TAF1A: variants seen among roughly 807,000 people sequenced by gnomAD.
TAF1A encodes TATA box-binding protein-associated factor RNA polymerase I subunit A.
In TAF1A, 42 loss-of-function variants were observed where a neutral mutation model predicts 61.6. That is an observed-to-expected ratio of 0.68 (90% CI 0.53 to 0.88). The LOEUF (loss-of-function observed/expected upper bound fraction) is 0.88, where lower values mean the gene tolerates loss of function less well. TAF1A is among the 40% of genes least tolerant of loss of function. The probability of loss-of-function intolerance (pLI) is 0.00; values close to 1 mark genes in which losing one functional copy is unlikely to be tolerated. For synonymous variants in TAF1A, 179 were observed against 177.7 expected, an observed-to-expected ratio of 1.01 and a Z score of -0.06; for missense variants, 424 against 518.7, an observed-to-expected ratio of 0.82 and a Z score of 1.77.
Position 222,589,788 on chromosome 1 carries a change from A to G in TAF1A, c.-64T>C, listed in dbSNP as rs925008473. ...CAGTCTCCGACTCCGGCCCACGTGA[A>G]GAAATTCCCACCGGAAGACGAGTTA... On this transcript the variant is annotated 5_prime_UTR_variant, in exon 1 of 11. Transcript: ENST00000352967. The G allele has an allele frequency of 1.2e-4, 41 of 340,056 alleles. No homozygotes were observed. The highest frequency in any genetic ancestry group is 1.8e-4 in the Non-Finnish European group (34 of 189,044). 21.1% of individuals were successfully genotyped at this position (340,056 alleles called of 1,614,324 possible). A position where few individuals can be genotyped will look rare whatever the true frequency, so the allele number is the denominator to read the frequency against.
Position 222,563,188 on chromosome 1 carries a change from T to A in TAF1A, c.1070A>T (p.Lys357Ile). Residue 357 changes from lysine to isoleucine, a missense_variant, in exon 9 of 11, where the codon AAA becomes ATA. Physicochemically the swap from Lys to Ile is moderately radical, Grantham distance 102. Transcript: ENST00000352967. ...TGTTTCTTACCCCATTAAGATATTT[T>A]TCAGATATTTTGCCAAGTATTTCCA... ...TAWKYLAKYL[K>I]NILMGNHLAW... 1.2e-6 allele frequency: 2 copies of A among 1,609,704 alleles called. No individual in the cohort carries two copies. Among genetic ancestry groups the A allele is most frequent in the Non-Finnish European group, 1.7e-6 (2 of 1,176,656 alleles).
At chr1:222,562,288 T>C (rs1363892166) in intron 9 of TAF1A, among the ~76,000 whole-genome samples, 1 of 152,230 alleles carries the variant, frequency 6.6e-6, no homozygotes, top group Admixed American at 6.5e-5. Context: ...ACGTTGCACA[T>C]TAGATCTCTA....
chr1:222,582,003 AT>A (rs1414016848), intron 3 of TAF1A, among the ~76,000 whole-genome samples: 1 of 152,222 alleles, frequency 6.6e-6, no homozygotes, highest in Non-Finnish European at 1.5e-5. Flanking sequence ...TATGTTTCAT[AT>A]ACACCTATAC....
intron 7 of TAF1A, among the ~76,000 whole-genome samples, chr1:222,565,530 T>C (rs191966083): frequency 9.8e-4 from 149 of 152,338 alleles, no homozygotes; most frequent in African/African-American, 2.7e-3. Flanking sequence ...AAAACACCAT[T>C]AGTGATTGAT....
intron 7 of TAF1A, among the ~76,000 whole-genome samples, chr1:222,565,894 A>G (rs1660098041): frequency 6.6e-6 from 1 of 152,222 alleles, no homozygotes; most frequent in Non-Finnish European, 1.5e-5. Flanking sequence ...AGGATTGTTT[A>G]GTAAAACAAA....
At chr1:222,579,708 G>C (rs371696287) in intron 4 of TAF1A, 51 bp downstream of exon 4, 4 of 1,408,838 alleles carry the variant, frequency 2.8e-6, no homozygotes, top group Non-Finnish European at 3.8e-6. Context: ...CAAGCAATTA[G>C]AAAAAAAAAA....
chr1:222,554,153 C>T (rs1223007342), downstream of TAF1A, among the ~76,000 whole-genome samples: 1 of 152,216 alleles, frequency 6.6e-6, no homozygotes, highest in African/African-American at 2.4e-5. Context: ...TTGTCTGATG[C>T]AGCCTACTGA....
intron 4 of TAF1A, 122 bp from the exon 5 acceptor site, chr1:222,577,765 G>A: frequency 1.2e-6 from 1 of 844,906 alleles, no homozygotes; most frequent in Non-Finnish European, 1.8e-6. Context: ...AACTTGACAT[G>A]GAAAATTTTG....
At chr1:222,563,893 T>A (rs545794672) in intron 8 of TAF1A, among the ~76,000 whole-genome samples, 166 bp downstream of exon 8, 2 of 152,298 alleles carry the variant, frequency 1.3e-5, no homozygotes, top group African/African-American at 4.8e-5. Flanking sequence ...GCTCTGTCAC[T>A]ATAGTGCAAA....
downstream of TAF1A, among the ~76,000 whole-genome samples, chr1:222,555,478 A>G (rs1387704249): frequency 6.6e-6 from 1 of 152,252 alleles, no homozygotes; most frequent in Non-Finnish European, 1.5e-5. Flanking sequence ...GAAATACTGC[A>G]CGATCATCTC....
rs375453350 is a variant in TAF1A, at chr1:222,584,168, A to G, written c.251T>C (p.Leu84Ser). 1.2e-5 allele frequency: 20 copies of G among 1,610,932 alleles called. No individual in the cohort carries two copies. The highest frequency in any genetic ancestry group is 1.6e-5 in the Non-Finnish European group (19 of 1,179,234). ...AEYMYSYFQT[L>S]EDSDSYKRQA... is the part of the protein sequence containing the mutation. ...CCTTTTGTAGCTATCTGAATCTTCCAAGGTCTGAAAATAACTGTACATGTA... is the reference window on the plus strand; with the variant it reads ...CCTTTTGTAGCTATCTGAATCTTCCGAGGTCTGAAAATAACTGTACATGTA... Residue 84 changes from leucine (L) to serine (S), a missense_variant, in exon 3 of 11, where the codon TTG (leucine) becomes TCG (serine). Coordinates refer to ENST00000352967, the MANE Select transcript of TAF1A (RefSeq NM_005681.4).
intron 7 of TAF1A, among the ~76,000 whole-genome samples, chr1:222,566,249 G>A (rs771020134): frequency 3.3e-5 from 5 of 152,126 alleles, no homozygotes; most frequent in Non-Finnish European, 7.4e-5. Flanking sequence ...TTAGGGAAAT[G>A]CAAACCAAAA....
intron 9 of TAF1A, 120 bp from the exon 10 acceptor site, chr1:222,561,638 C>A (rs978140953): frequency 1.6e-4 from 158 of 989,156 alleles, no homozygotes; most frequent in Non-Finnish European, 2.2e-4. Flanking sequence ...AAGCTAAATT[C>A]TCAATATGGC....
At chr1:222,573,631 T>C (rs1660448511) in intron 5 of TAF1A, among the ~76,000 whole-genome samples, 1 of 152,194 alleles carries the variant, frequency 6.6e-6, no homozygotes, top group Admixed American at 6.5e-5. Flanking sequence ...GAGAAATTTG[T>C]ACCCTCATAC....
At chr1:222,566,279 C>T (rs1233448136) in intron 7 of TAF1A, among the ~76,000 whole-genome samples, 1 of 152,156 alleles carries the variant, frequency 6.6e-6, no homozygotes, top group Non-Finnish European at 1.5e-5. Flanking sequence ...GACACAGATA[C>T]CACTTCACAC....
At chr1:222,559,089 C>G (rs559890597) in intron 10 of TAF1A, among the ~76,000 whole-genome samples, 32 of 152,216 alleles carry the variant, frequency 2.1e-4, no homozygotes, top group Non-Finnish European at 4.3e-4. Flanking sequence ...TTGTTTTCTA[C>G]TCTTCCTCCT....
chr1:222,560,376 A>C (rs898263900), intron 10 of TAF1A, among the ~76,000 whole-genome samples: 13 of 152,186 alleles, frequency 8.5e-5, no homozygotes, highest in Non-Finnish European at 1.8e-4. Flanking sequence ...TACTTACAAC[A>C]ATAAGATGGG....
chr1:222,582,750 T>A lies in TAF1A; in HGVS notation c.291+1378A>T, dbSNP rs1660835452. Among the ~76,000 whole-genome samples, 3 of 152,214 alleles carry A rather than the reference T, an allele frequency of 2.0e-5. No homozygotes were observed. In the South Asian group the frequency reaches 6.2e-4, roughly 32 times the overall value. Reference sequence around the variant, plus strand: ...AAACATGGTATTTCCATATGACAGATTATTTGGCAATAAAAGTAATGAAGT... The same window carrying A: ...AAACATGGTATTTCCATATGACAGAATATTTGGCAATAAAAGTAATGAAGT... On this transcript the variant is annotated intron_variant, in intron 3 of 10. Coordinates refer to ENST00000352967, the MANE Select transcript of TAF1A (RefSeq NM_005681.4).
At chr1:222,587,011 G>C (rs1187369949) in intron 2 of TAF1A, among the ~76,000 whole-genome samples, 1 of 152,132 alleles carries the variant, frequency 6.6e-6, no homozygotes, top group Non-Finnish European at 1.5e-5. Flanking sequence ...GACTGACTCA[G>C]ACTTTCTATA....
Sources: allele counts gnomAD v4.1 joint callset (sites outside exome capture counted in the v4.1 genomes callset), GRCh38; gene constraint gnomAD v4.1.1; transcripts MANE v1.5; gene names NCBI Gene and HGNC (gene_info 2026-07-23, HGNC 2026-07-21).